Variants in PAPPA2 observed in about 807,000 individuals in gnomAD.
PAPPA2 encodes the protein pappalysin 2.
PAPPA2 carries 86 observed loss-of-function variants against 176.4 expected under a neutral mutation model. The ratio of observed to expected loss-of-function variants is 0.49; its 90% CI spans 0.41 to 0.58. The LOEUF is 0.58. Among genes scored for constraint, PAPPA2 ranks in the 20% least tolerant of loss-of-function variants. The pLI is 0.00. For missense variants in PAPPA2, 2,073 were observed against 2,256.9 expected (o/e 0.92, Z 1.65); for synonymous variants, 809 against 852.2 (o/e 0.95, Z 0.88).
intron 1 of PAPPA2, among the ~76,000 whole-genome samples, chr1:176,530,523 T>C (rs1386700899): frequency 6.6e-6 from 1 of 152,208 alleles, no homozygotes; most frequent in Non-Finnish European, 1.5e-5. Flanking sequence ...TTGGTAACTA[T>C]TGTCCATTTT....
At chr1:176,813,597 A>G (rs1487986157) in intron 21 of PAPPA2, among the ~76,000 whole-genome samples, 2 of 152,212 alleles carry the variant, frequency 1.3e-5, no homozygotes, top group African/African-American at 4.8e-5. Context: ...TCTTTTGAGA[A>G]GTGTCTCTTC....
chr1:176,705,953 G>T lies in PAPPA2; in HGVS notation c.3366-406G>T, dbSNP rs149622486. On this transcript the variant is annotated intron_variant, in intron 9 of 22. Coordinates refer to ENST00000367662, the MANE Select transcript of PAPPA2 (RefSeq NM_020318.3). ...AAATACCAGATAAAAATGAATAGAT[G>T]AAACCACACAGACAGGCAGGCTTTC... Among the ~76,000 whole-genome samples, 332 of 152,286 alleles carry T rather than the reference G, an allele frequency of 2.2e-3. 2 individuals carry two copies. Among genetic ancestry groups the T allele is most frequent in the Middle Eastern group, 0.02 (6 of 294 alleles).
chr1:176,735,681 TA>T (rs1662368036), intron 12 of PAPPA2, among the ~76,000 whole-genome samples: 1 of 1,318 alleles, frequency 7.6e-4, no homozygotes, highest in Non-Finnish European at 1.6e-3. Context: ...TCTCAGAATC[TA>T]TCTATCTATC....
chr1:176,746,853 T>A (rs1662930617), intron 14 of PAPPA2, among the ~76,000 whole-genome samples: 1 of 152,190 alleles, frequency 6.6e-6, no homozygotes, highest in African/African-American at 2.4e-5. Context: ...CTGGGGTTCT[T>A]CTCTCGCTTG....
intron 1 of PAPPA2, among the ~76,000 whole-genome samples, chr1:176,519,196 G>A (rs1187009460): frequency 6.6e-6 from 1 of 152,094 alleles, no homozygotes; most frequent in Non-Finnish European, 1.5e-5. Context: ...ACATAATCCT[G>A]CTCTTTATCA....
chr1:176,466,815 C>T (rs1370996655), intron 1 of PAPPA2, among the ~76,000 whole-genome samples: 1 of 152,108 alleles, frequency 6.6e-6, no homozygotes, highest in Non-Finnish European at 1.5e-5. Context: ...GCCAAAAATT[C>T]CCTGCAACGT....
chr1:176,719,353 A>G (rs1661515266), intron 12 of PAPPA2, among the ~76,000 whole-genome samples: 2 of 152,074 alleles, frequency 1.3e-5, no homozygotes, highest in African/African-American at 4.8e-5. Context: ...TTTTTTGTGA[A>G]AAAACAAAAA....
intron 21 of PAPPA2, among the ~76,000 whole-genome samples, chr1:176,801,780 A>G (rs1665693848): frequency 6.6e-6 from 1 of 152,116 alleles, no homozygotes; most frequent in Non-Finnish European, 1.5e-5. Flanking sequence ...AGGGTGGATG[A>G]CAGGGCTTGG....
intron 19 of PAPPA2, among the ~76,000 whole-genome samples, chr1:176,792,699 C>T (rs982283615): frequency 2.0e-5 from 3 of 151,444 alleles, no homozygotes; most frequent in Non-Finnish European, 2.9e-5. Context: ...TACCCTAAAA[C>T]TTAAAGTATA....
At chr1:176,656,751 C>G (rs1400397469) in intron 3 of PAPPA2, among the ~76,000 whole-genome samples, 1 of 151,084 alleles carries the variant, frequency 6.6e-6, no homozygotes, top group Admixed American at 6.6e-5. Flanking sequence ...GCAAAGCATT[C>G]TTTCTGTAAT....
chr1:176,543,341 C>G (rs750444265), intron 1 of PAPPA2, among the ~76,000 whole-genome samples: 7 of 152,202 alleles, frequency 4.6e-5, no homozygotes, highest in African/African-American at 1.4e-4. Flanking sequence ...TACACAAGCA[C>G]TAGACTCTGT....
rs201320076 is a variant in PAPPA2, at chr1:176,699,567, T to C, written c.3214T>C (p.Ser1072Pro). 6.8e-6 allele frequency: 11 copies of C among 1,606,700 alleles called. No homozygotes were observed. Among genetic ancestry groups the C allele is most frequent in the African/African-American group, 5.3e-5 (4 of 74,924 alleles). Residue 1072 changes from serine to proline, a missense_variant, in exon 8 of 23, where the codon TCT (serine) becomes CCT (proline). By Grantham distance (74) the Ser-to-Pro change is moderately conservative. Coordinates refer to ENST00000367662, the MANE Select transcript of PAPPA2 (RefSeq NM_020318.3). Reference sequence around the variant, plus strand: ...TGGTTTGCCCGTGGTGGTGACACATTCTCACAGGAAGTTCACGGACGTGTG... The same window carrying C: ...TGGTTTGCCCGTGGTGGTGACACATCCTCACAGGAAGTTCACGGACGTGTG... ...ASGLPVVVTH[S>P]HRKFTDVEVT... is the part of the protein sequence containing the mutation.
intron 1 of PAPPA2, chr1:176,537,381 TC>T (rs1650122020): frequency 6.6e-6 from 1 of 152,228 alleles, no homozygotes; most frequent in Admixed American, 6.5e-5. Context: ...TGCTGTACCA[TC>T]TTGCAACTCT....
intron 3 of PAPPA2, among the ~76,000 whole-genome samples, chr1:176,645,911 T>G (rs1657373879): frequency 6.6e-6 from 1 of 151,698 alleles, no homozygotes; most frequent in African/African-American, 2.4e-5. Flanking sequence ...TTTATTCCGG[T>G]TTTTTGCCCG....
chr1:176,706,330 T>C (rs1352411597), intron 9 of PAPPA2, 29 bp from the exon 10 acceptor site: 1 of 1,582,096 alleles, frequency 6.3e-7, no homozygotes, highest in Non-Finnish European at 8.7e-7. Context: ...GTGTATGTGT[T>C]ATATATGCAT....
intron 2 of PAPPA2, among the ~76,000 whole-genome samples, chr1:176,576,792 T>C (rs1256985448): frequency 1.3e-5 from 2 of 152,188 alleles, no homozygotes; most frequent in African/African-American, 4.8e-5. Flanking sequence ...GTTGTTCATA[T>C]CCACAGTAAA....
At chr1:176,554,585 A>G (rs1651157482) in intron 1 of PAPPA2, among the ~76,000 whole-genome samples, 1 of 152,190 alleles carries the variant, frequency 6.6e-6, no homozygotes, top group Non-Finnish European at 1.5e-5. Context: ...TCCATTTCAA[A>G]TCAATTGGAA....
intron 1 of PAPPA2, among the ~76,000 whole-genome samples, chr1:176,501,374 T>C (rs1275648684): frequency 2.6e-5 from 4 of 152,170 alleles, no homozygotes; most frequent in Non-Finnish European, 4.4e-5. Flanking sequence ...TAAAATCTGT[T>C]ATTACTACAA....
intron 1 of PAPPA2, among the ~76,000 whole-genome samples, chr1:176,535,242 G>A (rs1650008139): frequency 1.3e-5 from 2 of 152,144 alleles, no homozygotes; most frequent in South Asian, 4.1e-4. Flanking sequence ...GATAGCTGGA[G>A]CTCTAGTAGC....
Sources: allele counts gnomAD v4.1 joint callset (sites outside exome capture counted in the v4.1 genomes callset), GRCh38; gene constraint gnomAD v4.1.1; transcripts MANE v1.5; gene names NCBI Gene and HGNC (gene_info 2026-07-23, HGNC 2026-07-21).